Variants in KIF26B observed in about 807,000 individuals in gnomAD.
The protein encoded by KIF26B is kinesin family member 26B.
A neutral mutation model predicts 151.2 loss-of-function variants in KIF26B; 63 were observed. The ratio of observed to expected loss-of-function variants is 0.42; its 90% CI spans 0.34 to 0.51. KIF26B has a LOEUF of 0.51. Ranked by LOEUF, KIF26B falls within the 20% of genes least tolerant of loss-of-function variation. The pLI, the probability that KIF26B is intolerant of heterozygous loss-of-function variation, is 0.07. For synonymous variants in KIF26B, 1,357 were observed against 1,262.1 expected, an observed-to-expected ratio of 1.08 and a Z score of -1.59; for missense variants, 2,813 against 2,913.6, an observed-to-expected ratio of 0.97 and a Z score of 0.79.
At chr1:245,498,508 C>A (rs142985365) in intron 4 of KIF26B, among the ~76,000 whole-genome samples, 15 of 152,222 alleles carry the variant, frequency 9.9e-5, no homozygotes, top group African/African-American at 2.4e-4. Flanking sequence ...GGAGAGAGCC[C>A]AGCAGTTGGC....
At chr1:245,283,913 C>T (rs988335887) in intron 2 of KIF26B, among the ~76,000 whole-genome samples, 1 of 152,182 alleles carries the variant, frequency 6.6e-6, no homozygotes, top group African/African-American at 2.4e-5. Context: ...GTCTCGAACT[C>T]CTGACCTTGT....
rs192752152 is a variant in KIF26B, at chr1:245,401,480, C to A, written c.1000-18099C>A. On this transcript the variant is annotated intron_variant, in intron 3 of 14. Coordinates refer to ENST00000407071, the MANE Select transcript of KIF26B (RefSeq NM_018012.4). Reference sequence around the variant, plus strand: ...CACGTAAAGCATGTTTTTATTAGTTCCTACATAAAATTTTTATGATAATGG... The same window carrying A: ...CACGTAAAGCATGTTTTTATTAGTTACTACATAAAATTTTTATGATAATGG... 3.9e-5 allele frequency among the ~76,000 whole-genome samples: 6 copies of A among 152,244 alleles called. No individual in the cohort carries two copies. In the East Asian group the frequency reaches 1.2e-3, roughly 29 times the overall value.
Position 245,352,250 on chromosome 1 carries a change from T to TTTTG in KIF26B, c.466-14566_466-14563dup, listed in dbSNP as rs201707727. On this transcript the variant is annotated intron_variant, in intron 2 of 14. Transcript: ENST00000407071. This position sits in a 1 kb window ranked among gnomAD's most constrained non-coding sequence, Gnocchi z 5.0. ...TATTCTACCATTCCTACCTCCAGTT[T>TTTTG]TTTGTTTGTTTGTTTGTTTGTGTTC... 4.4e-4 allele frequency among the ~76,000 whole-genome samples: 67 copies of TTTTG among 152,322 alleles called. No individual in the cohort carries two copies. The highest frequency in any genetic ancestry group is 6.8e-3 in the Middle Eastern group (2 of 294).
chr1:245,341,921 C>A (rs879864269), intron 2 of KIF26B, among the ~76,000 whole-genome samples: 1 of 152,166 alleles, frequency 6.6e-6, no homozygotes, highest in Non-Finnish European at 1.5e-5. Context: ...TCTCCCTCCC[C>A]CTTAAGGGTT....
rs1379001410 is a variant in KIF26B at position 245,367,667 on chromosome 1, C to T, written c.999+300C>T. Among the ~76,000 whole-genome samples the T allele has an allele frequency of 6.6e-6, 1 of 152,202 alleles. No homozygotes were observed. Among genetic ancestry groups the T allele is most frequent in the African/African-American group, 2.4e-5 (1 of 41,450 alleles). Reference sequence around the variant, plus strand: ...CTGGTCCAGGTGATGCCAGCGACTTCCCAGCCAGCAGATTTACCACATGGC... The same window carrying T: ...CTGGTCCAGGTGATGCCAGCGACTTTCCAGCCAGCAGATTTACCACATGGC... On this transcript the variant is annotated intron_variant, in intron 3 of 14. Transcript: ENST00000407071. The surrounding 1 kb of genome is among the most constrained non-coding windows in gnomAD (Gnocchi z 4.2).
intron 2 of KIF26B, among the ~76,000 whole-genome samples, chr1:245,207,108 C>T (rs1489920882): frequency 3.3e-5 from 5 of 152,106 alleles, no homozygotes; most frequent in Non-Finnish European, 7.3e-5. Flanking sequence ...GTGGGGCATT[C>T]CTGAATGAAC....
intron 4 of KIF26B, among the ~76,000 whole-genome samples, chr1:245,428,310 C>A (rs149242167): frequency 6.6e-6 from 1 of 152,278 alleles, no homozygotes; most frequent in East Asian, 1.9e-4. Flanking sequence ...CTCACTTTAA[C>A]TCACCTTATG....
intron 2 of KIF26B, among the ~76,000 whole-genome samples, chr1:245,331,928 C>T (rs1007405918): frequency 6.6e-6 from 1 of 152,064 alleles, no homozygotes; most frequent in African/African-American, 2.4e-5. Context: ...GAGTTCGAGA[C>T]TAGCCTGGCC....
intron 7 of KIF26B, 87 bp downstream of exon 7, chr1:245,607,831 A>T: frequency 9.5e-7 from 1 of 1,049,298 alleles, no homozygotes; most frequent in Non-Finnish European, 1.4e-6. Context: ...GAGTTCTCTG[A>T]TGACAGGAAG....
At chr1:245,385,028 T>C (rs961567042) in intron 3 of KIF26B, among the ~76,000 whole-genome samples, 1 of 152,226 alleles carries the variant, frequency 6.6e-6, no homozygotes, top group African/African-American at 2.4e-5. Flanking sequence ...TGTAAATTAT[T>C]CATACTTTTC....
At chr1:245,273,205 G>A (rs1261148522) in intron 2 of KIF26B, among the ~76,000 whole-genome samples, 2 of 152,040 alleles carry the variant, frequency 1.3e-5, no homozygotes, top group Non-Finnish European at 2.9e-5. Flanking sequence ...CTTGAGGTCA[G>A]GAGTTTGAGA....
At chr1:245,534,724 AAAGAACTTATCAGGCATT>A (rs1160322053) in intron 4 of KIF26B, among the ~76,000 whole-genome samples, 1 of 152,172 alleles carries the variant, frequency 6.6e-6, no homozygotes, top group Non-Finnish European at 1.5e-5. Flanking sequence ...CCTATGAAAG[AAAGAACTTATCAGGCATT>A]AATTACATAA....
chr1:245,690,872 T>A (rs1217042694), intron 12 of KIF26B, among the ~76,000 whole-genome samples: 1 of 152,236 alleles, frequency 6.6e-6, no homozygotes, highest in Non-Finnish European at 1.5e-5. Flanking sequence ...CCGTGTAACG[T>A]AGCAGCTTCT....
In KIF26B at chr1:245,612,292, T is replaced by A. The variant is rs144295982; in HGVS notation, c.2098+316T>A. ...CACCTAGCTATTTATTTGGTTATCTTTGTAGAGATGGGACCTTGCTATGTT... is the reference window on the plus strand; with the variant it reads ...CACCTAGCTATTTATTTGGTTATCTATGTAGAGATGGGACCTTGCTATGTT... On this transcript the variant is annotated intron_variant, in intron 9 of 14. Transcript: ENST00000407071. Among the ~76,000 whole-genome samples, 562 of 152,122 alleles carry A rather than the reference T, an allele frequency of 3.7e-3. 5 individuals carry two copies. Among genetic ancestry groups the A allele is most frequent in the African/African-American group, 0.013 (534 of 41,512 alleles).
At chr1:245,232,503 C>A (rs557691439) in intron 2 of KIF26B, among the ~76,000 whole-genome samples, 12 of 150,558 alleles carry the variant, frequency 8.0e-5, no homozygotes, top group African/African-American at 2.7e-4. Flanking sequence ...TATTTACCTC[C>A]TTTTGTTCCT....
chr1:245,178,984 T>TAA (rs397805484), intron 2 of KIF26B, among the ~76,000 whole-genome samples: 3 of 151,736 alleles, frequency 2.0e-5, no homozygotes, highest in African/African-American at 7.3e-5. Flanking sequence ...TTTTTTTTTT[T>TAA]AAATAATTAC....
chr1:245,279,335 C>G (rs955179191), intron 2 of KIF26B, among the ~76,000 whole-genome samples: 3 of 135,072 alleles, frequency 2.2e-5, no homozygotes, highest in African/African-American at 8.4e-5. Context: ...GAGAGGAGGT[C>G]TTGCTTTGTC....
In KIF26B at chr1:245,685,953, C is replaced by G. The variant is rs1415242227; in HGVS notation, c.2970C>G (p.Asn990Lys). Residue 990 changes from asparagine to lysine, a missense_variant, in exon 12 of 15, where the codon AAC becomes AAG. Asn to Lys is a moderately conservative substitution (Grantham distance 94). Transcript: ENST00000407071. ...EDNGSEGQLT[N>K]REGPELPASK... ...ATGGGTCCGAAGGTCAGCTGACCAA[C>G]AGAGAAGGCCCTGAACTCCCAGCCT... 6.2e-7 allele frequency: 1 copy of G among 1,607,864 alleles called. No homozygotes were observed. The highest frequency in any genetic ancestry group is 8.5e-7 in the Non-Finnish European group (1 of 1,177,354).
intron 2 of KIF26B, among the ~76,000 whole-genome samples, chr1:245,178,073 G>A (rs1668840811): frequency 6.6e-6 from 1 of 152,176 alleles, no homozygotes; most frequent in Admixed American, 6.5e-5. Flanking sequence ...AGAGATATTT[G>A]TCCCTTAGGA....
Sources: allele counts gnomAD v4.1 joint callset (sites outside exome capture counted in the v4.1 genomes callset), GRCh38; gene constraint gnomAD v4.1.1; non-coding constraint Gnocchi (gnomAD v3.1); transcripts MANE v1.5; gene names NCBI Gene and HGNC (gene_info 2026-07-23, HGNC 2026-07-21).